Variants in TTN observed in about 807,000 individuals in gnomAD.
The protein encoded by TTN is connectin.
A neutral mutation model predicts 3,223.0 loss-of-function variants in TTN; 1,525 were observed. That is an observed-to-expected ratio of 0.47 (90% CI 0.45 to 0.49). The LOEUF (loss-of-function observed/expected upper bound fraction) is 0.49, where lower values mean the gene tolerates loss of function less well. Ranked by LOEUF, TTN falls within the 20% of genes least tolerant of loss-of-function variation. The probability of loss-of-function intolerance (pLI) is 0.00; values close to 1 mark genes in which losing one functional copy is unlikely to be tolerated. For missense variants in TTN, 40,786 were observed against 43,424.0 expected (o/e 0.94, Z 5.40); for synonymous variants, 14,094 against 15,161.0 (o/e 0.93, Z 5.17).
rs72650006 is a variant in TTN, at chr2:178,704,660, T to A, written c.29812A>T (p.Thr9938Ser). The A allele has an allele frequency of 0.022, 35,268 of 1,612,220 alleles. 442 individuals carry two copies. Among genetic ancestry groups the A allele is most frequent in the Non-Finnish European group, 0.024 (28,767 of 1,178,904 alleles). ...PEIKLSWYKG[T>S]EKLEPSDKFE... ...TTATCACTGGGTTCCAGTTTTTCAG[T>A]TCCTTTGTACCACGAAAGCTTGATT... Residue 9938 changes from threonine (T) to serine (S), a missense_variant, in exon 105 of 363, where the codon ACT becomes TCT. Physicochemically the swap from Thr to Ser is moderately conservative, Grantham distance 58. Transcript: ENST00000589042.
At position 178,756,532 on chromosome 2, in the gene TTN, A is replaced by G. The variant is rs776316691; in HGVS notation, c.10944T>C (p.Ser3648=). Residue 3648 remains serine, a synonymous_variant, in exon 46 of 363, where the codon TCT becomes TCC. Coordinates refer to ENST00000589042, the MANE Select transcript of TTN (RefSeq NM_001267550.2). ...CCGTGGACTCTTTAGCACATTCCTT[A>G]GATAGCTCAGTGCTTTCTGCAATTT... The part of the protein sequence containing the change: ...LSQIAESTEL[S]KECAKESTGE... The G allele has an allele frequency of 6.2e-6, 10 of 1,612,954 alleles. No individual in the cohort carries two copies. Among genetic ancestry groups the G allele is most frequent in the Non-Finnish European group, 8.5e-7 (1 of 1,179,222 alleles).
In TTN at chr2:178,719,863, A is replaced by G. The variant is rs1185130397; in HGVS notation, c.23660-31T>C. 3 of 1,579,264 alleles carry G rather than the reference A, an allele frequency of 1.9e-6. No homozygotes were observed. In the South Asian group the frequency reaches 3.5e-5, roughly 18 times the overall value. ...AGAAGAAGTATTTTGCATTGAAAACAAAGTAACCTTTCAAACTCAAGAGTG... is the reference window on the plus strand; with the variant it reads ...AGAAGAAGTATTTTGCATTGAAAACGAAGTAACCTTTCAAACTCAAGAGTG... On this transcript the variant is annotated intron_variant, in intron 81 of 362. Coordinates refer to ENST00000589042, the MANE Select transcript of TTN (RefSeq NM_001267550.2).
rs1366330768 is a variant in TTN at position 178,651,944 on chromosome 2, C to T, written c.39319G>A (p.Ala13107Thr). Residue 13107 changes from alanine (A) to threonine (T), a missense_variant, in exon 205 of 363, where the codon GCC becomes ACC. Transcript: ENST00000589042. Reference sequence around the variant, plus strand: ...ACTTCAGCAGGAGGCTCTTCTAGGGCAACTTCCTCAGGCTCCTCGAACACT... The same window carrying T: ...ACTTCAGCAGGAGGCTCTTCTAGGGTAACTTCCTCAGGCTCCTCGAACACT... The part of the protein sequence containing the change: ...PEVFEEPEEV[A>T]LEEPPAEVVE... 4 of 1,610,322 alleles carry T rather than the reference C, an allele frequency of 2.5e-6. No homozygotes were observed. The highest frequency in any genetic ancestry group is 1.7e-6 in the Non-Finnish European group (2 of 1,178,244).
At position 178,587,705 on chromosome 2, in the gene TTN, G is replaced by T; in HGVS notation, c.63604C>A (p.Pro21202Thr). 6.2e-7 allele frequency: 1 copy of T among 1,612,882 alleles called. No individual in the cohort carries two copies. Among genetic ancestry groups the T allele is most frequent in the Non-Finnish European group, 8.5e-7 (1 of 1,179,388 alleles). Reference sequence around the variant, plus strand: ...TTTCGCCAAGTGACTTTAGGGGCTGGTCGTCCTCTCACTATAGCAAAGAGA... The same window carrying T: ...TTTCGCCAAGTGACTTTAGGGGCTGTTCGTCCTCTCACTATAGCAAAGAGA... ...IRLFAIVRGR[P>T]APKVTWRKVG... The change falls in exon 306 of 363, where the codon CCA (proline) becomes ACA (threonine). Residue 21202 changes from proline (P) to threonine (T), a missense_variant. Pro to Thr is a conservative substitution (Grantham distance 38, BLOSUM62 -1). Transcript: ENST00000589042.
rs184307461 is a variant in TTN, at chr2:178,735,911, G to A, written c.14535C>T (p.Asp4845=). Residue 4845 remains aspartate, a synonymous_variant, in exon 50 of 363, where the codon GAC becomes GAT. Coordinates refer to ENST00000589042, the MANE Select transcript of TTN (RefSeq NM_001267550.2). Reference sequence around the variant, plus strand: ...GTTCTAAAATGTGTTTGTTTTCTGCGTCGGAAATCCTCCAGTTAGGTGAAG... The same window carrying A: ...GTTCTAAAATGTGTTTGTTTTCTGCATCGGAAATCCTCCAGTTAGGTGAAG... ...LSPSPNWRIS[D]AENKHILELS... 1.5e-4 allele frequency: 245 copies of A among 1,613,836 alleles called. 1 individual carries two copies. Among genetic ancestry groups the A allele is most frequent in the Admixed American group, 1.0e-3 (61 of 59,992 alleles).
rs762072522 is a variant in TTN at position 178,589,479 on chromosome 2, C to T, written c.62246G>A (p.Gly20749Asp). Residue 20749 changes from glycine to aspartate, a missense_variant, in exon 304 of 363, where the codon GGT (glycine) becomes GAT (aspartate). By Grantham distance (94) the Gly-to-Asp change is moderately conservative. Transcript: ENST00000589042. ...YEFRVQTKNE[G>D]GESDWVKTEE... is the part of the protein sequence containing the mutation. ...TGTCTTCACCCAGTCACTTTCCCCACCTTCATTCTTTGTTTGCACTCTGAA... is the reference window on the plus strand; with the variant it reads ...TGTCTTCACCCAGTCACTTTCCCCATCTTCATTCTTTGTTTGCACTCTGAA... 10 of 1,613,422 alleles carry T rather than the reference C, an allele frequency of 6.2e-6. No homozygotes were observed. In the Admixed American group the frequency reaches 1.2e-4, roughly 19 times the overall value.
chr2:178,695,746 A>T, intron 114 of TTN, 119 bp downstream of exon 114: 7 of 849,370 alleles, frequency 8.2e-6, no homozygotes, highest in Non-Finnish European at 1.2e-5. Flanking sequence ...CCTTAAAAAA[A>T]TCTAAGATCA....
chr2:178,796,880 T>C (rs1221906706), intron 6 of TTN, among the ~76,000 whole-genome samples: 2 of 152,318 alleles, frequency 1.3e-5, no homozygotes, highest in East Asian at 1.9e-4. Flanking sequence ...CACAGCGAGA[T>C]ACAATGCACC....
Position 178,621,751 on chromosome 2 carries a change from T to C in TTN, c.45083-10A>G, listed in dbSNP as rs72677222. 16,324 of 1,609,048 alleles carry C rather than the reference T, an allele frequency of 0.01. 103 individuals carry two copies. The highest frequency in any genetic ancestry group is 0.013 in the Non-Finnish European group (14,970 of 1,178,098). ...AAGACAGCTTCTTCTTCTGCAAGCATTGAAAAAACAAAAACCACATTGAGT... is the reference window on the plus strand; with the variant it reads ...AAGACAGCTTCTTCTTCTGCAAGCACTGAAAAAACAAAAACCACATTGAGT... On this transcript the variant is annotated splice_polypyrimidine_tract_variant and intron_variant, in intron 244 of 362. Coordinates refer to ENST00000589042, the MANE Select transcript of TTN (RefSeq NM_001267550.2).
chr2:178,618,169 A>T lies in TTN; in HGVS notation c.47269+20T>A. On this transcript the variant is annotated intron_variant, in intron 252 of 362. Transcript: ENST00000589042. ...GCAATTTACTTAAAAGCTAACTTGAATTTACTTAAAACTTCTTACCATATT... is the reference window on the plus strand; with the variant it reads ...GCAATTTACTTAAAAGCTAACTTGATTTTACTTAAAACTTCTTACCATATT... The T allele has an allele frequency of 6.2e-7, 1 of 1,610,610 alleles. No homozygotes were observed. Among genetic ancestry groups the T allele is most frequent in the Non-Finnish European group, 8.5e-7 (1 of 1,178,654 alleles).
At chr2:178,778,767 T>G in intron 24 of TTN, 107 bp downstream of exon 24, 1 of 1,497,830 alleles carries the variant, frequency 6.7e-7, no homozygotes. Flanking sequence ...TAAGTTTCTG[T>G]GCCATTTTAG....
chr2:178,767,109 C>A lies in TTN; in HGVS notation c.9472-497G>T, dbSNP rs553486711. Among the ~76,000 whole-genome samples the A allele has an allele frequency of 1.4e-4, 22 of 152,190 alleles. No homozygotes were observed. The South Asian group carries it at 1.9e-3, about 13-fold the overall frequency. ...AGGTTATCTGAGTCCTCATTGAAGC[C>A]TTTTTCATTATAGTCCACAGTCTGT... On this transcript the variant is annotated intron_variant, in intron 40 of 362. Coordinates refer to ENST00000589042, the MANE Select transcript of TTN (RefSeq NM_001267550.2).
Position 178,725,562 on chromosome 2 carries a change from T to A in TTN, c.20642A>T (p.Gln6881Leu). The change falls in exon 71 of 363, where the codon CAG becomes CTG. Residue 6881 changes from glutamine to leucine, a missense_variant. Physicochemically the swap from Gln to Leu is moderately radical, Grantham distance 113. Transcript: ENST00000589042. ...AELQASIEGA[Q>L]PIFVQWLKEK... is the part of the protein sequence containing the mutation. The stretch of plus-strand genomic sequence containing the variant: ...TTTAAGCCACTGGACAAAAATAGGC[T>A]GGGCGCCTTCTATGGATGCTTGTAA... 2.5e-6 allele frequency: 4 copies of A among 1,613,160 alleles called. No individual in the cohort carries two copies. The highest frequency in any genetic ancestry group is 3.4e-6 in the Non-Finnish European group (4 of 1,179,442).
intron 42 of TTN, 97 bp downstream of exon 42, chr2:178,764,430 T>C: frequency 6.2e-7 from 1 of 1,611,236 alleles, no homozygotes. Flanking sequence ...CAATCTACTT[T>C]TATGAGCTCC....
At chr2:178,635,765 A>G in intron 226 of TTN, 50 bp from the exon 227 acceptor site, 1 of 1,544,608 alleles carries the variant, frequency 6.5e-7, no homozygotes. Flanking sequence ...AACAAGTAAT[A>G]TACATAGCTT....
chr2:178,571,772 A>T lies in TTN; in HGVS notation c.74360T>A (p.Val24787Glu). The T allele has an allele frequency of 6.2e-7, 1 of 1,613,374 alleles. No homozygotes were observed. The highest frequency in any genetic ancestry group is 1.1e-5 in the South Asian group (1 of 91,022). Reference protein sequence around the residue: ...DACREDVGHYVVKLTNSAGEA... With the variant: ...DACREDVGHYEVKLTNSAGEA... ...ACCAGCTGAGTTAGTCAGTTTAACC[A>T]CATAATGGCCAACATCTTCTCGGCA... Residue 24787 changes from valine (V) to glutamate (E), a missense_variant, in exon 326 of 363, where the codon GTG becomes GAG. By Grantham distance (121) the Val-to-Glu change is moderately radical (BLOSUM62 -2). Transcript: ENST00000589042.
In TTN at chr2:178,597,415, A is replaced by G. The variant is rs6712785; in HGVS notation, c.57544+123T>C. 324,147 of 1,156,072 alleles carry G rather than the reference A, an allele frequency of 0.28. 55,747 individuals are homozygous for G. The highest frequency in any genetic ancestry group is 0.7 in the East Asian group (26,591 of 38,148). The allele number at this position is 1,156,072 out of a possible 1,614,324, so 71.6% of individuals were successfully genotyped here. A position where few individuals can be genotyped will look rare whatever the true frequency, so the allele number is the denominator to read the frequency against. On this transcript the variant is annotated intron_variant, in intron 294 of 362. Transcript: ENST00000589042. Reference sequence around the variant, plus strand: ...TTTAAAAATTCTAATAATGTTCAACATGATTATGGGTGATTTTTCTTATTT... The same window carrying G: ...TTTAAAAATTCTAATAATGTTCAACGTGATTATGGGTGATTTTTCTTATTT...
At position 178,566,868 on chromosome 2, in the gene TTN, T is replaced by C. The variant is rs1553590996; in HGVS notation, c.79264A>G (p.Ile26422Val). 2.5e-6 allele frequency: 4 copies of C among 1,613,394 alleles called. No individual in the cohort carries two copies. Among genetic ancestry groups the C allele is most frequent in the Admixed American group, 3.3e-5 (2 of 59,952 alleles). The change falls in exon 326 of 363, where the codon ATT becomes GTT. Residue 26422 changes from isoleucine to valine, a missense_variant. Ile to Val is a conservative substitution (Grantham distance 29). Transcript: ENST00000589042. ...SDGGSEIIGY[I>V]VEKRDRSGIR... ...CCACTTCTGTCTCTTTTCTCTACAATGTAACCAATAATCTCACTTCCACCA... is the reference window on the plus strand; with the variant it reads ...CCACTTCTGTCTCTTTTCTCTACAACGTAACCAATAATCTCACTTCCACCA...
intron 20 of TTN, among the ~76,000 whole-genome samples, chr2:178,781,633 A>T (rs971215693): frequency 6.6e-6 from 1 of 152,202 alleles, no homozygotes; most frequent in African/African-American, 2.4e-5. Flanking sequence ...AAAACAATAA[A>T]TTCCTTCAAA....
Sources: gnomAD v4.1 joint callset for allele counts (sites outside exome capture counted in the v4.1 genomes callset) on GRCh38, gnomAD v4.1.1 for gene constraint, MANE v1.5 for transcripts, NCBI Gene and HGNC (gene_info 2026-07-23, HGNC 2026-07-21) for gene names.